The following GALNTL6 variants were observed in gnomAD, a reference collection of about 807,000 sequenced individuals.
GALNTL6 encodes the protein polypeptide N-acetylgalactosaminyltransferase like 6, also known as polypeptide N-acetylgalactosaminyltransferase-like 6.
In GALNTL6, 46 loss-of-function variants were observed where a neutral mutation model predicts 73.7. The ratio of observed to expected loss-of-function variants is 0.62; its 90% CI spans 0.49 to 0.80. The LOEUF is 0.80. Ranked by LOEUF, GALNTL6 falls within the 30% of genes least tolerant of loss-of-function variation. The probability of loss-of-function intolerance (pLI) is 0.00; values close to 1 mark genes in which losing one functional copy is unlikely to be tolerated. For missense variants in GALNTL6, 604 were observed against 755.0 expected, an observed-to-expected ratio of 0.80 and a Z score of 2.34; for synonymous variants, 259 against 263.7, an observed-to-expected ratio of 0.98 and a Z score of 0.17.
rs185649736 is a variant in GALNTL6, at chr4:173,011,587, C to T, written c.1488+2293C>T. Among the ~76,000 whole-genome samples the T allele has an allele frequency of 2.6e-4, 40 of 152,226 alleles. No individual in the cohort carries two copies. The East Asian group carries it at 6.6e-3, about 25-fold the overall frequency. On this transcript the variant is annotated intron_variant, in intron 11 of 12. Coordinates refer to ENST00000506823, the MANE Select transcript of GALNTL6 (RefSeq NM_001034845.3). ...CCAGAGTAGCTGGGATTACAGGCTT[C>T]TGCATGTGGATATCCAGTTTTCCCA...
chr4:172,514,517 A>AATC (rs1734533850), intron 5 of GALNTL6, among the ~76,000 whole-genome samples: 1 of 152,150 alleles, frequency 6.6e-6, no homozygotes. Context: ...TCTGCCGAGA[A>AATC]ATCAAGCAGG....
At chr4:172,457,228 C>G (rs1732430617) in intron 5 of GALNTL6, among the ~76,000 whole-genome samples, 1 of 150,522 alleles carries the variant, frequency 6.6e-6, no homozygotes, top group Non-Finnish European at 1.5e-5. Flanking sequence ...AAAAAAAACC[C>G]AAAAAAACAG....
chr4:172,313,660 A>G (rs907962142), intron 4 of GALNTL6, among the ~76,000 whole-genome samples: 4 of 152,234 alleles, frequency 2.6e-5, no homozygotes, highest in Admixed American at 2.6e-4. Flanking sequence ...CTCAATTTAC[A>G]ATATGAAGAA....
At chr4:172,395,177 CA>C (rs1210116792) in intron 5 of GALNTL6, among the ~76,000 whole-genome samples, 2 of 152,142 alleles carry the variant, frequency 1.3e-5, no homozygotes, top group South Asian at 2.1e-4. Context: ...CCATCACTAC[CA>C]TTCCTTAGTC....
intron 5 of GALNTL6, among the ~76,000 whole-genome samples, chr4:172,373,777 A>G (rs1742915582): frequency 6.6e-6 from 1 of 152,204 alleles, no homozygotes; most frequent in Non-Finnish European, 1.5e-5. Flanking sequence ...AAAAGAGCAA[A>G]GTCTCCCAAT....
Position 171,955,646 on chromosome 4 carries a change from GA to G in GALNTL6, c.138+140935del, listed in dbSNP as rs202094178. Among the ~76,000 whole-genome samples the G allele has an allele frequency of 7.5e-3, 1,136 of 151,994 alleles. 8 individuals are homozygous for G. Among genetic ancestry groups the G allele is most frequent in the Middle Eastern group, 0.017 (5 of 294 alleles). ...TGTATCGTTCAGAGAATAATGACAA[GA>G]AAAAAATGTTGGTACATGTTTAGTA... On this transcript the variant is annotated intron_variant, in intron 2 of 12. Transcript: ENST00000506823.
At chr4:172,056,162 C>T (rs1172847890) in intron 2 of GALNTL6, among the ~76,000 whole-genome samples, 4 of 152,026 alleles carry the variant, frequency 2.6e-5, no homozygotes, top group Non-Finnish European at 5.9e-5. Context: ...AAAAATGCTG[C>T]CATTTAGCCA....
At chr4:172,050,510 G>A (rs1032921338) in intron 2 of GALNTL6, among the ~76,000 whole-genome samples, 10 of 152,134 alleles carry the variant, frequency 6.6e-5, no homozygotes, top group Non-Finnish European at 1.3e-4. Flanking sequence ...CCTGGATGTG[G>A]CTTCCTCCAG....
chr4:172,355,284 A>G (rs1578987728), intron 5 of GALNTL6, among the ~76,000 whole-genome samples: 1 of 152,100 alleles, frequency 6.6e-6, no homozygotes, highest in African/African-American at 2.4e-5. Context: ...TTGCTGAACC[A>G]TGCAAATAGA....
intron 8 of GALNTL6, among the ~76,000 whole-genome samples, chr4:172,913,879 G>C (rs375490310): frequency 5.9e-5 from 9 of 152,212 alleles, no homozygotes; most frequent in Admixed American, 3.3e-4. Context: ...TCAAATTCAG[G>C]AAATACAGAG....
At chr4:172,664,685 C>A (rs1288938133) in intron 5 of GALNTL6, among the ~76,000 whole-genome samples, 1 of 152,184 alleles carries the variant, frequency 6.6e-6, no homozygotes, top group Non-Finnish European at 1.5e-5. Flanking sequence ...TCAGCTTCAT[C>A]TTTTAAAAGG....
At chr4:172,155,267 G>C (rs1255951918) in intron 2 of GALNTL6, among the ~76,000 whole-genome samples, 1 of 152,128 alleles carries the variant, frequency 6.6e-6, no homozygotes, top group East Asian at 1.9e-4. Flanking sequence ...CAAAGTGCTG[G>C]CATTACAGGC....
At chr4:171,986,153 A>C (rs1323448203) in intron 2 of GALNTL6, among the ~76,000 whole-genome samples, 1 of 152,046 alleles carries the variant, frequency 6.6e-6, no homozygotes, top group East Asian at 1.9e-4. Flanking sequence ...TTGTGTGAGC[A>C]ATAAAGCTGT....
At chr4:172,399,146 A>G (rs975210221) in intron 5 of GALNTL6, among the ~76,000 whole-genome samples, 1 of 152,190 alleles carries the variant, frequency 6.6e-6, no homozygotes, top group Admixed American at 6.5e-5. Context: ...TGTTTCCCAT[A>G]TGGAGTTAAT....
At chr4:172,918,250 G>A (rs1422323514) in intron 8 of GALNTL6, among the ~76,000 whole-genome samples, 1 of 152,064 alleles carries the variant, frequency 6.6e-6, no homozygotes, top group Non-Finnish European at 1.5e-5. Context: ...GGGGTGGGGG[G>A]AGGCAAGGGA....
intron 5 of GALNTL6, among the ~76,000 whole-genome samples, chr4:172,657,647 A>T (rs1411761733): frequency 1.3e-5 from 2 of 152,202 alleles, no homozygotes; most frequent in Non-Finnish European, 2.9e-5. Flanking sequence ...AAGGGTGTGA[A>T]CTCACACTAG....
chr4:172,628,662 C>T (rs1298304292), intron 5 of GALNTL6, among the ~76,000 whole-genome samples: 1 of 151,958 alleles, frequency 6.6e-6, no homozygotes, highest in East Asian at 1.9e-4. Flanking sequence ...TCTGAATATG[C>T]GTATTGTCAG....
intron 5 of GALNTL6, among the ~76,000 whole-genome samples, chr4:172,784,962 G>T (rs561820939): frequency 3.9e-4 from 60 of 152,228 alleles, no homozygotes; most frequent in South Asian, 1.7e-3. Context: ...TACTTACTTG[G>T]CAGATCTCGT....
intron 2 of GALNTL6, among the ~76,000 whole-genome samples, chr4:172,206,780 TTGTTTTGTTTTGTTTTG>T (rs1236529405): frequency 1.3e-5 from 1 of 79,044 alleles, no homozygotes; most frequent in Non-Finnish European, 2.9e-5. Flanking sequence ...AACGTGTTTT[TTGTTTTGTTTTGTTTTG>T]TTTTTCTGTT....
Sources: gnomAD v4.1 joint callset for allele counts (sites outside exome capture counted in the v4.1 genomes callset) on GRCh38, gnomAD v4.1.1 for gene constraint, MANE v1.5 for transcripts, NCBI Gene and HGNC (gene_info 2026-07-23, HGNC 2026-07-21) for gene names.